TMEM132D: variants seen among roughly 807,000 people sequenced by gnomAD.
The protein encoded by TMEM132D is transmembrane protein 132D.
Under a neutral mutation model 62.3 loss-of-function variants are expected in TMEM132D, and 21 were observed. That is an observed-to-expected ratio of 0.34 (90% confidence interval 0.24 to 0.49). The LOEUF (loss-of-function observed/expected upper bound fraction) is 0.49, where lower values mean the gene tolerates loss of function less well. Ranked by LOEUF, TMEM132D falls within the 20% of genes least tolerant of loss-of-function variation. The pLI is 0.99. For missense variants in TMEM132D, 1,346 were observed against 1,402.8 expected, an observed-to-expected ratio of 0.96 and a Z score of 0.65; for synonymous variants, 621 against 575.6, an observed-to-expected ratio of 1.08 and a Z score of -1.13.
chr12:129,778,101 T>A (rs1476862118), intron 1 of TMEM132D, among the ~76,000 whole-genome samples: 12 of 115,538 alleles, frequency 1.0e-4, no homozygotes, highest in South Asian at 2.8e-4. Context: ...GGCAACAGAG[T>A]GAGACCCTGT....
rs1006603665 is a variant in TMEM132D at position 129,255,378 on chromosome 12, C to A, written c.1300-45715G>T. ...CAAGAGAGTTGATTATTTCCTTTTA[C>A]TGATGTGTTCACTCAAGGTTTGACC... On this transcript the variant is annotated intron_variant, in intron 4 of 8. Coordinates refer to ENST00000422113, the MANE Select transcript of TMEM132D (RefSeq NM_133448.3). Among the ~76,000 whole-genome samples the A allele has an allele frequency of 2.6e-5, 4 of 152,306 alleles. No homozygotes were observed. The East Asian group carries it at 5.8e-4, about 22-fold the overall frequency.
intron 5 of TMEM132D, among the ~76,000 whole-genome samples, chr12:129,180,198 G>A (rs1878025358): frequency 6.8e-6 from 1 of 147,668 alleles, no homozygotes; most frequent in South Asian, 2.2e-4. Context: ...TTCGTAAGCA[G>A]CACAGATAGT....
intron 1 of TMEM132D, among the ~76,000 whole-genome samples, chr12:129,722,736 TTTTTTC>T (rs1868883883): frequency 5.5e-5 from 2 of 36,490 alleles, no homozygotes; most frequent in African/African-American, 1.2e-4. Flanking sequence ...TCCTTTTTCT[TTTTTTC>T]TTTTTTTTTT....
intron 3 of TMEM132D, among the ~76,000 whole-genome samples, chr12:129,363,207 C>G (rs766241888): frequency 6.6e-6 from 1 of 152,210 alleles, no homozygotes; most frequent in Non-Finnish European, 1.5e-5. Context: ...GACATCACAG[C>G]TCACATGTGA....
intron 2 of TMEM132D, among the ~76,000 whole-genome samples, chr12:129,603,971 A>G (rs1021939664): frequency 1.3e-5 from 2 of 152,202 alleles, no homozygotes; most frequent in African/African-American, 4.8e-5. Flanking sequence ...CATATACACC[A>G]AGGAATACTA....
At chr12:129,294,890 T>G (rs79291447) in intron 4 of TMEM132D, among the ~76,000 whole-genome samples, 21,132 of 152,218 alleles carry the variant, frequency 0.14, 1,537 homozygotes, top group South Asian at 0.24. Context: ...GTGGGATTTT[T>G]GATAAATAAT....
intron 3 of TMEM132D, among the ~76,000 whole-genome samples, chr12:129,480,363 C>G (rs1874392469): frequency 1.3e-5 from 2 of 152,216 alleles, no homozygotes; most frequent in African/African-American, 4.8e-5. Context: ...TCATTGAGGT[C>G]TGGAGCAGAC....
chr12:129,134,176 GTGTC>G (rs1184448003), intron 5 of TMEM132D, among the ~76,000 whole-genome samples: 1 of 151,258 alleles, frequency 6.6e-6, no homozygotes, highest in Admixed American at 6.6e-5. Context: ...CTGTGTGTGT[GTGTC>G]TGTGTGTCTG....
At chr12:129,729,829 A>T (rs767624193) in intron 1 of TMEM132D, among the ~76,000 whole-genome samples, 1 of 152,180 alleles carries the variant, frequency 6.6e-6, no homozygotes, top group Non-Finnish European at 1.5e-5. Context: ...ATGCTTTGGA[A>T]GCCAAAACAT....
chr12:129,266,648 G>A lies in TMEM132D; in HGVS notation c.1300-56985C>T, dbSNP rs962931311. On this transcript the variant is annotated intron_variant, in intron 4 of 8. Coordinates refer to ENST00000422113, the MANE Select transcript of TMEM132D (RefSeq NM_133448.3). ...CCTCTCTCTGTGCCCTCTCACCAGTGACCTCATCCAGTTTACCAGCATTAA... is the reference window on the plus strand; with the variant it reads ...CCTCTCTCTGTGCCCTCTCACCAGTAACCTCATCCAGTTTACCAGCATTAA... Among the ~76,000 whole-genome samples the A allele has an allele frequency of 3.4e-4, 49 of 142,258 alleles. 1 individual carries two copies. The highest frequency in any genetic ancestry group is 3.0e-5 in the Non-Finnish European group (2 of 66,548). 93.3% of individuals were successfully genotyped at this position (142,258 alleles called of 152,430 possible).
At chr12:129,091,934 C>G (rs1371915567) in intron 5 of TMEM132D, among the ~76,000 whole-genome samples, 2 of 152,354 alleles carry the variant, frequency 1.3e-5, no homozygotes, top group East Asian at 3.9e-4. Context: ...CCAAACTCCC[C>G]CTCTGGGAGA....
chr12:129,095,130 T>C (rs970680766), intron 5 of TMEM132D, among the ~76,000 whole-genome samples: 1 of 151,964 alleles, frequency 6.6e-6, no homozygotes, highest in East Asian at 1.9e-4. Context: ...CATGTATACA[T>C]ATGTAACTAA....
At chr12:129,661,093 T>C (rs1880226410) in intron 2 of TMEM132D, among the ~76,000 whole-genome samples, 1 of 152,204 alleles carries the variant, frequency 6.6e-6, no homozygotes, top group Non-Finnish European at 1.5e-5. Flanking sequence ...AAACGTCACT[T>C]CTAGGAGATT....
At chr12:129,113,719 G>A (rs1442050275) in intron 5 of TMEM132D, among the ~76,000 whole-genome samples, 1 of 151,976 alleles carries the variant, frequency 6.6e-6, no homozygotes, top group African/African-American at 2.4e-5. Flanking sequence ...AGAAAGCAAA[G>A]TAAGTATCAG....
intron 1 of TMEM132D, among the ~76,000 whole-genome samples, chr12:129,803,208 C>T (rs1465676066): frequency 6.6e-6 from 1 of 151,170 alleles, no homozygotes; most frequent in African/African-American, 2.4e-5. Context: ...ATCTACAGAA[C>T]TCTCCACCCC....
At chr12:129,563,721 A>G (rs894402184) in intron 2 of TMEM132D, among the ~76,000 whole-genome samples, 1 of 152,296 alleles carries the variant, frequency 6.6e-6, no homozygotes, top group Admixed American at 6.5e-5. Context: ...TGGGGAAGAC[A>G]AGAGGGAGGG....
At chr12:129,834,166 C>T (rs1201596921) in intron 1 of TMEM132D, among the ~76,000 whole-genome samples, 2 of 151,022 alleles carry the variant, frequency 1.3e-5, no homozygotes, top group African/African-American at 2.4e-5. Context: ...CAGAATGTAG[C>T]CTGGAAATAC....
chr12:129,190,157 C>T lies in TMEM132D; in HGVS notation c.1443+19363G>A, dbSNP rs1455221088. 3.6e-3 allele frequency among the ~76,000 whole-genome samples: 228 copies of T among 63,552 alleles called. 2 individuals carry two copies. Among genetic ancestry groups the T allele is most frequent in the African/African-American group, 0.013 (215 of 16,598 alleles). 41.7% of individuals were successfully genotyped at this position (63,552 alleles called of 152,430 possible). ...ATGGAGGGAGGGGGTCTCAGGCCTG[C>T]AGATGGAGGGAGGGAGTCTCAGGCC... is the stretch of plus-strand genomic sequence containing the variant. On this transcript the variant is annotated intron_variant, in intron 5 of 8. Coordinates refer to ENST00000422113, the MANE Select transcript of TMEM132D (RefSeq NM_133448.3).
At chr12:129,096,987 G>A (rs1407404634) in intron 5 of TMEM132D, among the ~76,000 whole-genome samples, 4 of 152,152 alleles carry the variant, frequency 2.6e-5, no homozygotes, top group Admixed American at 2.6e-4. Flanking sequence ...GATCTCAGTT[G>A]TCTTCTCACA....
Sources: allele counts gnomAD v4.1 joint callset (sites outside exome capture counted in the v4.1 genomes callset), GRCh38; gene constraint gnomAD v4.1.1; transcripts MANE v1.5; gene names NCBI Gene and HGNC (gene_info 2026-07-23, HGNC 2026-07-21).